The following NCAM2 variants were observed in gnomAD, a reference collection of about 807,000 sequenced individuals.
The protein encoded by NCAM2 is neural cell adhesion molecule 2.
A neutral mutation model predicts 98.1 loss-of-function variants in NCAM2; 30 were observed. That is an observed-to-expected ratio of 0.31 (90% CI 0.23 to 0.41). The LOEUF (loss-of-function observed/expected upper bound fraction) is 0.41. NCAM2 is among the 10% of genes least tolerant of loss of function. The pLI is 1.00. For synonymous variants in NCAM2, 368 were observed against 342.4 expected (o/e 1.07, Z -0.83); for missense variants, 867 against 1,005.8 (o/e 0.86, Z 1.87).
intron 7 of NCAM2, among the ~76,000 whole-genome samples, chr21:21,337,245 A>T (rs1301343429): frequency 2.6e-5 from 4 of 152,090 alleles, no homozygotes; most frequent in Non-Finnish European, 5.9e-5. Context: ...AAAAAGAAAA[A>T]AGATTTTTTA....
At chr21:21,353,841 AAG>A (rs929391259) in intron 8 of NCAM2, among the ~76,000 whole-genome samples, 1 of 152,194 alleles carries the variant, frequency 6.6e-6, no homozygotes, top group African/African-American at 2.4e-5. Flanking sequence ...GTAGGAAAAA[AAG>A]AACATATTGT....
Position 20,998,454 on chromosome 21 carries a change from C to G in NCAM2, c.-110C>G. ...CGGGCTGCGGGCGGCTGGGGCACCG[C>G]GGGAGCGGCGGCGGCGGCTCTAGCA... On this transcript the variant is annotated 5_prime_UTR_variant, in exon 1 of 18. Coordinates refer to ENST00000400546, the MANE Select transcript of NCAM2 (RefSeq NM_004540.5). 9.3e-7 allele frequency: 1 copy of G among 1,072,536 alleles called. No individual in the cohort carries two copies. The highest frequency in any genetic ancestry group is 1.6e-5 in the South Asian group (1 of 62,374). 66.4% of individuals were successfully genotyped at this position (1,072,536 alleles called of 1,614,324 possible).
chr21:21,529,044 A>G (rs1309524805), intron 16 of NCAM2, among the ~76,000 whole-genome samples: 3 of 152,250 alleles, frequency 2.0e-5, no homozygotes, highest in Middle Eastern at 6.8e-3. Flanking sequence ...CATCCTTTCT[A>G]TAATATGTAA....
intron 1 of NCAM2, among the ~76,000 whole-genome samples, chr21:21,045,839 A>AT (rs1389081507): frequency 1.3e-5 from 2 of 152,172 alleles, no homozygotes; most frequent in South Asian, 2.1e-4. Context: ...TCTATCTTAG[A>AT]TATCTTGGGA....
rs1218830926 is a variant in NCAM2, at chr21:21,324,531, G to A, written c.737+31G>A. ...TTATGCACCCCCCTCCCTCTGGCTTGTGTCCATTATCAGGCTTATGGAACA... is the reference window on the plus strand; with the variant it reads ...TTATGCACCCCCCTCCCTCTGGCTTATGTCCATTATCAGGCTTATGGAACA... On this transcript the variant is annotated intron_variant, in intron 6 of 17. Coordinates refer to ENST00000400546, the MANE Select transcript of NCAM2 (RefSeq NM_004540.5). The A allele has an allele frequency of 4.9e-6, 7 of 1,434,866 alleles. No individual in the cohort carries two copies. In the Admixed American group the frequency reaches 6.9e-5, roughly 14 times the overall value. 88.9% of individuals were successfully genotyped at this position (1,434,866 alleles called of 1,614,324 possible). A position where few individuals can be genotyped will look rare whatever the true frequency, so the allele number is the denominator to read the frequency against.
chr21:21,173,992 C>T (rs2068202669), intron 1 of NCAM2, among the ~76,000 whole-genome samples: 1 of 152,098 alleles, frequency 6.6e-6, no homozygotes. Flanking sequence ...GGCGCAATCT[C>T]AGCTCACTGC....
rs757727507 is a variant in NCAM2 at position 21,519,182 on chromosome 21, T to A, written c.2282+10127T>A. ...GGGCCAAAGTATTATTCCATCTTCT[T>A]GGGTCAATGAAAAGGGTCTGAATTT... On this transcript the variant is annotated intron_variant, in intron 16 of 17. Coordinates refer to ENST00000400546, the MANE Select transcript of NCAM2 (RefSeq NM_004540.5). Among the ~76,000 whole-genome samples the A allele has an allele frequency of 7.2e-5, 11 of 152,194 alleles. 1 individual carries two copies. The highest frequency in any genetic ancestry group is 3.3e-4 in the Admixed American group (5 of 15,264).
intron 11 of NCAM2, among the ~76,000 whole-genome samples, chr21:21,428,800 C>T (rs1419605816): frequency 2.6e-5 from 4 of 152,180 alleles, no homozygotes; most frequent in Non-Finnish European, 5.9e-5. Context: ...CTAGGCACAT[C>T]TGACACTATT....
chr21:21,012,846 TTATGTCTTTA>T (rs1183554382), intron 1 of NCAM2, among the ~76,000 whole-genome samples: 1 of 152,180 alleles, frequency 6.6e-6, no homozygotes, highest in Admixed American at 6.5e-5. Context: ...TTTATTATTA[TTATGTCTTTA>T]TGGTGATCTG....
chr21:21,485,613 T>G (rs1355569895), intron 15 of NCAM2, among the ~76,000 whole-genome samples: 4 of 152,228 alleles, frequency 2.6e-5, no homozygotes, highest in Admixed American at 2.6e-4. Flanking sequence ...TTTACCTAAG[T>G]AATTTCAAAA....
At chr21:21,261,510 A>G (rs2071898560) in intron 1 of NCAM2, among the ~76,000 whole-genome samples, 1 of 152,156 alleles carries the variant, frequency 6.6e-6, no homozygotes. Context: ...GTCGGACAAC[A>G]GTGGAATAAA....
chr21:21,430,998 A>T (rs1350350917), intron 11 of NCAM2, among the ~76,000 whole-genome samples: 1 of 143,674 alleles, frequency 7.0e-6, no homozygotes, highest in African/African-American at 2.6e-5. Flanking sequence ...CAGTGAGCTG[A>T]GATCACGCCA....
At chr21:21,279,196 G>A (rs888050183) in intron 1 of NCAM2, among the ~76,000 whole-genome samples, 1 of 152,136 alleles carries the variant, frequency 6.6e-6, no homozygotes, top group Non-Finnish European at 1.5e-5. Flanking sequence ...CCCAAACATG[G>A]GATATGGCAA....
intron 1 of NCAM2, among the ~76,000 whole-genome samples, chr21:21,248,230 G>C (rs1486306543): frequency 1.3e-5 from 2 of 151,528 alleles, no homozygotes; most frequent in African/African-American, 2.4e-5. Context: ...ATTCTTCTCA[G>C]AGCTTATTTA....
chr21:21,124,735 A>T (rs948655864), intron 1 of NCAM2, among the ~76,000 whole-genome samples: 1 of 152,082 alleles, frequency 6.6e-6, no homozygotes, highest in Non-Finnish European at 1.5e-5. Context: ...CACACCTCCA[A>T]TTCTCACCCT....
In NCAM2 at chr21:21,002,051, T is replaced by G. The variant is rs192468355; in HGVS notation, c.55+3433T>G. On this transcript the variant is annotated intron_variant, in intron 1 of 17. Coordinates refer to ENST00000400546, the MANE Select transcript of NCAM2 (RefSeq NM_004540.5). ...TTCTATCTGCTGTGCTCTAATTCTT[T>G]GATATCAGCCTCTCTGTGCAAAGTT... 2.7e-3 allele frequency among the ~76,000 whole-genome samples: 411 copies of G among 152,318 alleles called. 2 individuals carry two copies. The highest frequency in any genetic ancestry group is 7.0e-3 in the Admixed American group (107 of 15,298).
chr21:21,338,428 A>G lies in NCAM2; in HGVS notation c.938A>G (p.Tyr313Cys), dbSNP rs2074937586. The part of the protein sequence containing the change: ...HIIQLKNETT[Y>C]ENGQVTLVCD... The stretch of plus-strand genomic sequence containing the variant: ...ATACAGCTTAAAAATGAAACTACAT[A>G]TGAGAATGGTCAAGTCACACTCGTA... The change falls in exon 8 of 18, where the codon TAT (tyrosine) becomes TGT (cysteine). Residue 313 changes from tyrosine (Y) to cysteine (C), a missense_variant. Physicochemically the swap from Tyr to Cys is radical, Grantham distance 194 (BLOSUM62 -2). This residue lies in a region of NCAM2 where 447 missense variants were observed against 495.7 expected (regional missense o/e 0.90). Transcript: ENST00000400546. 4 of 1,612,610 alleles carry G rather than the reference A, an allele frequency of 2.5e-6. No individual in the cohort carries two copies. The African/African-American group carries it at 4.0e-5, about 16-fold the overall frequency.
intron 11 of NCAM2, among the ~76,000 whole-genome samples, chr21:21,429,025 C>T (rs748710737): frequency 4.6e-5 from 7 of 151,994 alleles, no homozygotes; most frequent in Non-Finnish European, 8.8e-5. Flanking sequence ...AGTCAGTTGA[C>T]AGTTGGACTT....
At chr21:21,312,857 CAGG>C (rs1345102468) in intron 5 of NCAM2, among the ~76,000 whole-genome samples, 1 of 151,624 alleles carries the variant, frequency 6.6e-6, no homozygotes. Flanking sequence ...CATTTCCTTT[CAGG>C]AGACTTTTGA....
Sources: allele counts gnomAD v4.1 joint callset (sites outside exome capture counted in the v4.1 genomes callset), GRCh38; gene constraint gnomAD v4.1.1; regional missense constraint gnomAD v4.1.1; transcripts MANE v1.5; gene names NCBI Gene and HGNC (gene_info 2026-07-23, HGNC 2026-07-21).